The following MTHFD1L variants were observed in gnomAD, a reference collection of about 807,000 sequenced individuals.
MTHFD1L encodes the protein monofunctional C1-tetrahydrofolate synthase, mitochondrial.
MTHFD1L carries 81 observed loss-of-function variants against 119.5 expected under a neutral mutation model. That is an observed-to-expected ratio of 0.68 (90% CI 0.57 to 0.82). MTHFD1L has a LOEUF of 0.82. MTHFD1L is among the 40% of genes least tolerant of loss of function. The probability of loss-of-function intolerance (pLI) is 0.00; values close to 1 mark genes in which losing one functional copy is unlikely to be tolerated. For synonymous variants in MTHFD1L, 430 were observed against 475.2 expected, an observed-to-expected ratio of 0.90 and a Z score of 1.24; for missense variants, 1,125 against 1,253.4, an observed-to-expected ratio of 0.90 and a Z score of 1.55.
At chr6:150,950,302 C>G (rs982933481) in intron 16 of MTHFD1L, among the ~76,000 whole-genome samples, 6 of 152,180 alleles carry the variant, frequency 3.9e-5, no homozygotes, top group African/African-American at 1.4e-4. Flanking sequence ...CCTAGCTGGG[C>G]CATCTCCATC....
chr6:151,051,070 C>G (rs1292830731), intron 26 of MTHFD1L, among the ~76,000 whole-genome samples: 1 of 152,142 alleles, frequency 6.6e-6, no homozygotes, highest in Non-Finnish European at 1.5e-5. Context: ...CAATCTTCTA[C>G]TTACTTGGTC....
At chr6:151,002,695 T>C (rs114174632) in intron 20 of MTHFD1L, among the ~76,000 whole-genome samples, 162 of 152,356 alleles carry the variant, frequency 1.1e-3, no homozygotes, top group African/African-American at 3.7e-3. Context: ...ATAATTCATA[T>C]TCCAGGATCT....
chr6:151,003,678 A>G (rs1019365088), intron 20 of MTHFD1L, among the ~76,000 whole-genome samples: 1 of 152,194 alleles, frequency 6.6e-6, no homozygotes, highest in African/African-American at 2.4e-5. Context: ...TTGTGTGTAA[A>G]CACTAGGCAA....
intron 1 of MTHFD1L, among the ~76,000 whole-genome samples, chr6:150,870,626 T>A (rs1050215791): frequency 6.6e-6 from 1 of 152,052 alleles, no homozygotes; most frequent in Admixed American, 6.6e-5. Context: ...AAAACCCATA[T>A]ATAAGGCCGG....
At chr6:150,920,939 ATTTTTTTTTTTTTT>A (rs869169480) in intron 9 of MTHFD1L, among the ~76,000 whole-genome samples, 3 of 96,874 alleles carry the variant, frequency 3.1e-5, no homozygotes, top group African/African-American at 4.1e-5. Context: ...CACCCAGATA[ATTTTTTTTTTTTTT>A]TTTTTTTTTT....
chr6:150,888,132 C>A, intron 7 of MTHFD1L, 151 bp downstream of exon 7: 1 of 821,716 alleles, frequency 1.2e-6, no homozygotes, highest in Non-Finnish European at 1.7e-6. Flanking sequence ...TGAGTCTACT[C>A]ACCAGACAAA....
At chr6:151,048,318 CCTTT>C (rs1788431490) in intron 26 of MTHFD1L, among the ~76,000 whole-genome samples, 1 of 152,142 alleles carries the variant, frequency 6.6e-6, no homozygotes, top group Non-Finnish European at 1.5e-5. Flanking sequence ...GCAGTTACTT[CCTTT>C]GTGTGTCCTC....
intron 1 of MTHFD1L, among the ~76,000 whole-genome samples, chr6:150,875,843 A>T (rs900693477): frequency 1.3e-5 from 2 of 152,200 alleles, no homozygotes; most frequent in Non-Finnish European, 2.9e-5. Flanking sequence ...CTAGAAAATT[A>T]TTGTAAACAT....
intron 7 of MTHFD1L, among the ~76,000 whole-genome samples, chr6:150,898,302 A>G (rs1784569399): frequency 6.6e-6 from 1 of 152,148 alleles, no homozygotes; most frequent in Non-Finnish European, 1.5e-5. Flanking sequence ...GAGAGCCTTG[A>G]CCCTGATTGT....
At position 151,001,016 on chromosome 6, in the gene MTHFD1L, T is replaced by A. The variant is rs140136766; in HGVS notation, c.2126-8803T>A. On this transcript the variant is annotated intron_variant, in intron 20 of 27. Transcript: ENST00000367321. ...TCTTTCTTATTTACAAGAAATTCTT[T>A]TGATGATTAAGTTAGCCAGATACGC... Among the ~76,000 whole-genome samples the A allele has an allele frequency of 4.2e-3, 635 of 152,348 alleles. 6 individuals carry two copies. The highest frequency in any genetic ancestry group is 0.013 in the African/African-American group (550 of 41,592).
At chr6:151,094,261 A>G (rs1373222976) in intron 27 of MTHFD1L, among the ~76,000 whole-genome samples, 9 of 152,164 alleles carry the variant, frequency 5.9e-5, no homozygotes, top group Non-Finnish European at 1.2e-4. Context: ...TTTGTGGCCT[A>G]AAGACCTTCT....
chr6:151,088,543 G>A (rs1438655751), intron 26 of MTHFD1L, among the ~76,000 whole-genome samples: 2 of 151,872 alleles, frequency 1.3e-5, no homozygotes, highest in Non-Finnish European at 2.9e-5. Flanking sequence ...TGCAACCTCT[G>A]CCTCCCGAGT....
intron 21 of MTHFD1L, among the ~76,000 whole-genome samples, chr6:151,011,754 G>C (rs919797034): frequency 6.6e-6 from 1 of 152,000 alleles, no homozygotes; most frequent in Non-Finnish European, 1.5e-5. Flanking sequence ...CACAGATATG[G>C]GTGGAGGATA....
chr6:150,891,499 CTG>C (rs2128792672), intron 7 of MTHFD1L, among the ~76,000 whole-genome samples: 1 of 147,138 alleles, frequency 6.8e-6, no homozygotes, highest in East Asian at 2.0e-4. Flanking sequence ...ATTTAGATCA[CTG>C]TTTAATATAT....
chr6:150,960,212 T>C, intron 17 of MTHFD1L, 63 bp from the exon 18 acceptor site: 4 of 1,540,254 alleles, frequency 2.6e-6, no homozygotes, highest in Non-Finnish European at 3.5e-6. Flanking sequence ...GTCCAGCTCC[T>C]TGTGGGAATG....
At chr6:150,915,588 CTTTTTTCT>C (rs879568844) in intron 8 of MTHFD1L, among the ~76,000 whole-genome samples, 6 of 152,006 alleles carry the variant, frequency 3.9e-5, no homozygotes, top group Admixed American at 6.6e-5. Flanking sequence ...GTAACTTTTT[CTTTTTTCT>C]TTTTTTCTTT....
intron 24 of MTHFD1L, among the ~76,000 whole-genome samples, chr6:151,020,633 A>T (rs1179819250): frequency 6.6e-6 from 1 of 152,224 alleles, no homozygotes; most frequent in African/African-American, 2.4e-5. Context: ...GCTCAGAAGA[A>T]GTTTTATTGT....
rs1791811723 is a variant in MTHFD1L at position 150,935,026 on chromosome 6, C to T, written c.1257-1778C>T. 10 of 1,612,018 alleles carry T rather than the reference C, an allele frequency of 6.2e-6. 1 individual carries two copies. The South Asian group carries it at 8.8e-5, about 14-fold the overall frequency. ...CTGTCCAACCTGCCTTCATTCAGTC[C>T]TTCCACATTGTTATTCTGGGTTTGG... is the stretch of plus-strand genomic sequence containing the variant. On this transcript the variant is annotated intron_variant, in intron 11 of 27. Transcript: ENST00000367321.
chr6:150,921,695 G>A (rs746158334), intron 9 of MTHFD1L, among the ~76,000 whole-genome samples: 26 of 152,120 alleles, frequency 1.7e-4, no homozygotes, highest in Admixed American at 3.3e-4. Flanking sequence ...TTATAGGTGC[G>A]CATCACCACA....
Sources: gnomAD v4.1 joint callset for allele counts (sites outside exome capture counted in the v4.1 genomes callset) on GRCh38, gnomAD v4.1.1 for gene constraint, MANE v1.5 for transcripts, NCBI Gene and HGNC (gene_info 2026-07-23, HGNC 2026-07-21) for gene names.